Variants in PPFIBP1 observed in about 807,000 individuals in gnomAD.
The protein encoded by PPFIBP1 is liprin-beta-1.
In PPFIBP1, 112 loss-of-function variants were observed where a neutral mutation model predicts 137.8. The ratio of observed to expected loss-of-function variants is 0.81; its 90% CI spans 0.70 to 0.95. The LOEUF is 0.95. Ranked by LOEUF, PPFIBP1 falls within the 40% of genes least tolerant of loss-of-function variation. The probability of loss-of-function intolerance (pLI) is 0.00; values close to 1 mark genes in which losing one functional copy is unlikely to be tolerated. For synonymous variants in PPFIBP1, 378 were observed against 417.3 expected (o/e 0.91, Z 1.15); for missense variants, 1,083 against 1,196.6 (o/e 0.91, Z 1.40).
At chr12:27,648,088 T>G in intron 6 of PPFIBP1, 2 of 438,480 alleles carry the variant, frequency 4.6e-6, no homozygotes, top group Non-Finnish European at 3.8e-6. Flanking sequence ...TTTCTTTTTT[T>G]GCATTCAGAT....
chr12:27,541,518 C>A (rs934228160), intron 1 of PPFIBP1, among the ~76,000 whole-genome samples: 1 of 152,072 alleles, frequency 6.6e-6, no homozygotes, highest in African/African-American at 2.4e-5. Context: ...AGACTCAGGC[C>A]ACATCCCATC....
chr12:27,652,619 A>T (rs1376872733), intron 7 of PPFIBP1, among the ~76,000 whole-genome samples: 2 of 152,172 alleles, frequency 1.3e-5, no homozygotes, highest in Non-Finnish European at 2.9e-5. Context: ...TTGCCATGAA[A>T]TATAGTTGAG....
At chr12:27,645,419 A>G (rs1399397591) in intron 4 of PPFIBP1, among the ~76,000 whole-genome samples, 2 of 148,364 alleles carry the variant, frequency 1.3e-5, no homozygotes, top group African/African-American at 5.0e-5. Flanking sequence ...TATACCACGC[A>G]TAAATATACT....
In PPFIBP1 at chr12:27,583,317, C is replaced by T. The variant is rs1320931397; in HGVS notation, c.-36+5078C>T. 3.9e-5 allele frequency among the ~76,000 whole-genome samples: 6 copies of T among 152,128 alleles called. No homozygotes were observed. In the East Asian group the frequency reaches 1.2e-3, roughly 29 times the overall value. On this transcript the variant is annotated intron_variant, in intron 2 of 29. Coordinates refer to ENST00000228425, the MANE Select transcript of PPFIBP1 (RefSeq NM_003622.4). ...GCTTCTGGTTCTAAGCATGGAATTC[C>T]TGGAACAGGGAAGCTAGCTTCCAAT... is the stretch of plus-strand genomic sequence containing the variant.
At chr12:27,656,879 A>G (rs936082311) in intron 9 of PPFIBP1, 149 bp downstream of exon 9, 1 of 575,496 alleles carries the variant, frequency 1.7e-6, no homozygotes, top group African/African-American at 1.9e-5. Flanking sequence ...GGGATTCTCC[A>G]AGACTCTTTA....
At chr12:27,657,945 A>C (rs1433800489) in intron 9 of PPFIBP1, among the ~76,000 whole-genome samples, 1 of 151,980 alleles carries the variant, frequency 6.6e-6, no homozygotes, top group Non-Finnish European at 1.5e-5. Flanking sequence ...CTGTCTCTAC[A>C]AAAAATTTCT....
At chr12:27,661,435 C>A (rs1200543953) in intron 11 of PPFIBP1, among the ~76,000 whole-genome samples, 1 of 151,466 alleles carries the variant, frequency 6.6e-6, no homozygotes, top group Non-Finnish European at 1.5e-5. Flanking sequence ...ATGGGCTTTA[C>A]GTTAGCTACA....
chr12:27,593,645 A>G lies in PPFIBP1; in HGVS notation c.-36+15406A>G. ...ATGTCTGAAACTCTTGCACAAGATT[A>G]TTCAGTTTGCTGACAGATAGTTTTG... On this transcript the variant is annotated intron_variant, in intron 2 of 29. Transcript: ENST00000228425. 3.9e-6 allele frequency: 2 copies of G among 508,338 alleles called. 1 individual carries two copies. The highest frequency in any genetic ancestry group is 4.5e-5 in the South Asian group (2 of 44,512). The allele number at this position is 508,338 out of a possible 1,614,324, so 31.5% of individuals were successfully genotyped here.
At chr12:27,639,702 T>G (rs181219106) in intron 4 of PPFIBP1, among the ~76,000 whole-genome samples, 1 of 152,386 alleles carries the variant, frequency 6.6e-6, no homozygotes, top group East Asian at 1.9e-4. Context: ...GACTGGCTTC[T>G]GACCTGTTAA....
chr12:27,687,322 C>T lies in PPFIBP1; in HGVS notation c.2248-63C>T. 3.2e-6 allele frequency: 5 copies of T among 1,555,802 alleles called. No homozygotes were observed. The South Asian group carries it at 3.6e-5, about 11-fold the overall frequency. ...CTTTTACTCCAGTTTTCTGAGATTC[C>T]CTAAGAAAGTCCTCCTGCTACAGGC... On this transcript the variant is annotated intron_variant, in intron 24 of 29. Coordinates refer to ENST00000228425, the MANE Select transcript of PPFIBP1 (RefSeq NM_003622.4).
chr12:27,647,033 G>A (rs1593106509), intron 5 of PPFIBP1, among the ~76,000 whole-genome samples: 2 of 152,126 alleles, frequency 1.3e-5, no homozygotes, highest in Non-Finnish European at 2.9e-5. Flanking sequence ...ACGGAGTCTC[G>A]CTCTGTTGCC....
Position 27,593,841 on chromosome 12 carries a change from T to C in PPFIBP1, c.-36+15602T>C, listed in dbSNP as rs189431953. The C allele has an allele frequency of 5.2e-4, 718 of 1,381,950 alleles. 4 individuals carry two copies. Among genetic ancestry groups the C allele is most frequent in the Middle Eastern group, 2.3e-3 (12 of 5,312 alleles). 85.6% of individuals were successfully genotyped at this position (1,381,950 alleles called of 1,614,324 possible). ...TGGTATTGTCTCTTCATGTGTTTCC[T>C]TATCCTTTCAGTCCCCCATGCCCCT... On this transcript the variant is annotated intron_variant, in intron 2 of 29. Coordinates refer to ENST00000228425, the MANE Select transcript of PPFIBP1 (RefSeq NM_003622.4).
intron 1 of PPFIBP1, among the ~76,000 whole-genome samples, chr12:27,555,990 G>A (rs1002389138): frequency 4.6e-5 from 7 of 152,168 alleles, no homozygotes; most frequent in Non-Finnish European, 1.0e-4. Flanking sequence ...TATGAGTAAT[G>A]AATACAGAAT....
rs1427194068 is a variant in PPFIBP1, at chr12:27,691,729, T to C, written c.2686-20T>C. On this transcript the variant is annotated intron_variant, in intron 27 of 29. Transcript: ENST00000228425. ...TTTTATCAAATCCTTTGGATGTTTT[T>C]GTTTGCTTTTCTTTTAAAGCCAAAG... 6.9e-6 allele frequency: 11 copies of C among 1,593,434 alleles called. No individual in the cohort carries two copies. The highest frequency in any genetic ancestry group is 8.6e-6 in the Non-Finnish European group (10 of 1,169,566).
At chr12:27,539,497 C>T (rs1191526767) in intron 1 of PPFIBP1, among the ~76,000 whole-genome samples, 1 of 152,154 alleles carries the variant, frequency 6.6e-6, no homozygotes, top group African/African-American at 2.4e-5. Flanking sequence ...ATCAAATTCC[C>T]AAAACCTGTT....
intron 9 of PPFIBP1, 142 bp downstream of exon 9, chr12:27,656,872 AT>A (rs1384622599): frequency 1.7e-6 from 1 of 595,302 alleles, no homozygotes; most frequent in Non-Finnish European, 3.0e-6. Context: ...ACCACAGGGG[AT>A]TCTCCAAGAC....
chr12:27,618,948 C>CT (rs1170248497), intron 2 of PPFIBP1, among the ~76,000 whole-genome samples: 1 of 152,150 alleles, frequency 6.6e-6, no homozygotes, highest in Non-Finnish European at 1.5e-5. Flanking sequence ...CAGAGATACA[C>CT]TTTTTCCTTA....
chr12:27,644,426 C>G (rs2058336103), intron 4 of PPFIBP1, among the ~76,000 whole-genome samples: 1 of 151,890 alleles, frequency 6.6e-6, no homozygotes, highest in Admixed American at 6.6e-5. Flanking sequence ...TTTCTACTTA[C>G]TGAAATGTAT....
rs2059092716 is a variant in PPFIBP1, at chr12:27,654,757, A to T, written c.639A>T (p.Lys213Asn). ...LIQEINDLRL[K>N]VSEMDSERLQ... ...AGGAGATCAATGATTTGAGGTTAAAAGTTAGTGAAATGGACAGTGAGAGAC... is the reference window on the plus strand; with the variant it reads ...AGGAGATCAATGATTTGAGGTTAAATGTTAGTGAAATGGACAGTGAGAGAC... Residue 213 changes from lysine to asparagine, a missense_variant, in exon 8 of 30, where the codon AAA (lysine) becomes AAT (asparagine). By Grantham distance (94) the Lys-to-Asn change is moderately conservative. Coordinates refer to ENST00000228425, the MANE Select transcript of PPFIBP1 (RefSeq NM_003622.4). 6.2e-7 allele frequency: 1 copy of T among 1,611,882 alleles called. No homozygotes were observed. The highest frequency in any genetic ancestry group is 8.5e-7 in the Non-Finnish European group (1 of 1,179,584).
Sources: gnomAD v4.1 joint callset for allele counts (sites outside exome capture counted in the v4.1 genomes callset) on GRCh38, gnomAD v4.1.1 for gene constraint, MANE v1.5 for transcripts, NCBI Gene and HGNC (gene_info 2026-07-23, HGNC 2026-07-21) for gene names.